Variants in SOX5 observed in about 807,000 individuals in gnomAD.
The protein encoded by SOX5 is SRY-box transcription factor 5.
Under a neutral mutation model 92.0 loss-of-function variants are expected in SOX5, and 9 were observed. The observed-to-expected ratio is 0.10, with a 90% confidence interval of 0.06 to 0.17. The LOEUF (loss-of-function observed/expected upper bound fraction) is 0.17, where lower values mean the gene tolerates loss of function less well. SOX5 is among the 10% of genes least tolerant of loss of function. The pLI is 1.00. For synonymous variants in SOX5, 344 were observed against 336.3 expected, an observed-to-expected ratio of 1.02 and a Z score of -0.25; for missense variants, 642 against 944.5, an observed-to-expected ratio of 0.68 and a Z score of 4.20.
chr12:24,328,953 T>C (rs546337072), intron 2 of SOX5, among the ~76,000 whole-genome samples: 3 of 152,350 alleles, frequency 2.0e-5, no homozygotes, highest in South Asian at 4.1e-4. Flanking sequence ...TTAAAAATCA[T>C]ACAAAATATT....
intron 3 of SOX5, among the ~76,000 whole-genome samples, chr12:23,812,521 A>G (rs2095894884): frequency 6.6e-6 from 1 of 152,034 alleles, no homozygotes; most frequent in Non-Finnish European, 1.5e-5. Context: ...AATCTGTTAT[A>G]TGGTATTAGC....
intron 2 of SOX5, among the ~76,000 whole-genome samples, chr12:23,891,628 C>T (rs1250883261): frequency 6.6e-6 from 1 of 151,788 alleles, no homozygotes; most frequent in Non-Finnish European, 1.5e-5. Context: ...TTAAATTGAA[C>T]TCTATGATAT....
intron 1 of SOX5, among the ~76,000 whole-genome samples, chr12:24,450,917 G>A (rs1566195957): frequency 6.6e-6 from 1 of 151,762 alleles, no homozygotes; most frequent in Non-Finnish European, 1.5e-5. Context: ...TTGATTTTTT[G>A]TGCCCATTAA....
chr12:24,353,146 T>C (rs191004263), intron 2 of SOX5, among the ~76,000 whole-genome samples: 1 of 152,262 alleles, frequency 6.6e-6, no homozygotes, highest in Admixed American at 6.5e-5. Flanking sequence ...CTAAACCCCA[T>C]TGGTCAAATC....
intron 6 of SOX5, among the ~76,000 whole-genome samples, chr12:23,688,716 A>G (rs1309266725): frequency 6.6e-6 from 1 of 152,142 alleles, no homozygotes; most frequent in Admixed American, 6.6e-5. Flanking sequence ...TGTAGGAATC[A>G]TTCTATCATT....
chr12:23,990,168 T>C (rs1950435335), intron 4 of SOX5, among the ~76,000 whole-genome samples: 1 of 152,186 alleles, frequency 6.6e-6, no homozygotes, highest in South Asian at 2.1e-4. Flanking sequence ...TTATGGAATC[T>C]GTCCCCTCAG....
chr12:24,369,708 G>T (rs1956531764), intron 1 of SOX5, among the ~76,000 whole-genome samples: 1 of 152,228 alleles, frequency 6.6e-6, no homozygotes, highest in African/African-American at 2.4e-5. Flanking sequence ...AATTGCTGAA[G>T]CTGAGGTTGG....
intron 4 of SOX5, among the ~76,000 whole-genome samples, chr12:24,200,096 T>G (rs16927303): frequency 0.11 from 16,965 of 152,252 alleles, 1,544 homozygotes; most frequent in East Asian, 0.48. Context: ...ACACTTCTCA[T>G]GCATTTCAAC....
intron 3 of SOX5, among the ~76,000 whole-genome samples, chr12:23,804,294 G>T (rs2095716640): frequency 6.6e-6 from 1 of 152,024 alleles, no homozygotes; most frequent in South Asian, 2.1e-4. Context: ...TCTCCAATCT[G>T]AAATTCCATT....
At chr12:23,951,203 T>C (rs1006799912), upstream of SOX5, among the ~76,000 whole-genome samples, 1 of 152,164 alleles carries the variant, frequency 6.6e-6, no homozygotes, top group Non-Finnish European at 1.5e-5. Flanking sequence ...CTGGGGGCTA[T>C]TCTGGAAATG....
At chr12:23,937,323 T>C (rs1443840354) in intron 1 of SOX5, among the ~76,000 whole-genome samples, 1 of 150,996 alleles carries the variant, frequency 6.6e-6, no homozygotes, top group Non-Finnish European at 1.5e-5. Flanking sequence ...AATACTCTTC[T>C]ATTGAGCATT....
intron 2 of SOX5, chr12:24,368,347 T>C (rs1343171487): frequency 6.6e-6 from 1 of 152,212 alleles, no homozygotes; most frequent in Admixed American, 6.5e-5. Context: ...TACTACAGAA[T>C]CTACAAAAAT....
chr12:23,824,909 T>C (rs1021061415), intron 3 of SOX5, among the ~76,000 whole-genome samples: 1 of 152,174 alleles, frequency 6.6e-6, no homozygotes, highest in African/African-American at 2.4e-5. Flanking sequence ...AACCGCCTAC[T>C]CAAGCCTCAG....
intron 4 of SOX5, among the ~76,000 whole-genome samples, chr12:23,982,969 T>G (rs1341825362): frequency 1.3e-5 from 2 of 152,036 alleles, no homozygotes; most frequent in African/African-American, 4.8e-5. Flanking sequence ...GTAGTAGGTG[T>G]GTCATTCTCG....
chr12:24,357,687 C>T (rs1955022836), intron 2 of SOX5, among the ~76,000 whole-genome samples: 1 of 151,880 alleles, frequency 6.6e-6, no homozygotes, highest in Non-Finnish European at 1.5e-5. Flanking sequence ...TACTAAAACA[C>T]AAAATCTTAG....
At chr12:24,067,586 T>C (rs1463750649) in intron 4 of SOX5, among the ~76,000 whole-genome samples, 2 of 152,214 alleles carry the variant, frequency 1.3e-5, no homozygotes, top group Admixed American at 1.3e-4. Flanking sequence ...TAATTAGCTA[T>C]ATATGCTTTA....
At chr12:24,188,058 G>A (rs1565616352) in intron 4 of SOX5, among the ~76,000 whole-genome samples, 1 of 152,142 alleles carries the variant, frequency 6.6e-6, no homozygotes, top group Non-Finnish European at 1.5e-5. Context: ...AAACACAAGT[G>A]CAACTCAATG....
intron 2 of SOX5, among the ~76,000 whole-genome samples, chr12:24,354,539 GA>G (rs1454561559): frequency 3.3e-5 from 5 of 152,256 alleles, no homozygotes; most frequent in African/African-American, 1.2e-4. Flanking sequence ...TACTGGAGCA[GA>G]GCAGCTGCTT....
chr12:24,087,103 C>T (rs981615221), intron 4 of SOX5, among the ~76,000 whole-genome samples: 6 of 151,998 alleles, frequency 3.9e-5, no homozygotes, highest in Non-Finnish European at 8.8e-5. Flanking sequence ...ACATGTTGGA[C>T]ACTGCCCAGA....
Sources: allele counts gnomAD v4.1 joint callset (sites outside exome capture counted in the v4.1 genomes callset), GRCh38; gene constraint gnomAD v4.1.1; transcripts MANE v1.5; gene names NCBI Gene and HGNC (gene_info 2026-07-23, HGNC 2026-07-21).